PPP3CC: variants seen among roughly 807,000 people sequenced by gnomAD.
PPP3CC encodes serine/threonine-protein phosphatase 2B catalytic subunit gamma isoform.
In PPP3CC, 35 loss-of-function variants were observed where a neutral mutation model predicts 60.3. The ratio of observed to expected loss-of-function variants is 0.58; its 90% CI spans 0.44 to 0.77. The LOEUF is 0.77. Ranked by LOEUF, PPP3CC falls within the 30% of genes least tolerant of loss-of-function variation. PPP3CC has a pLI of 0.00. For missense variants in PPP3CC, 570 were observed against 628.9 expected, an observed-to-expected ratio of 0.91 and a Z score of 1.00; for synonymous variants, 206 against 224.3, an observed-to-expected ratio of 0.92 and a Z score of 0.73.
chr8:22,513,844 T>C (rs1839161905), intron 6 of PPP3CC, among the ~76,000 whole-genome samples: 1 of 152,238 alleles, frequency 6.6e-6, no homozygotes, highest in African/African-American at 2.4e-5. Flanking sequence ...TAGTATAGAC[T>C]AAGATATAAA....
At chr8:22,487,783 G>A (rs372803235) in intron 3 of PPP3CC, among the ~76,000 whole-genome samples, 15 of 152,318 alleles carry the variant, frequency 9.8e-5, no homozygotes, top group African/African-American at 2.4e-4. Flanking sequence ...CTGCCAAAGA[G>A]AAAAATGTTA....
At chr8:22,496,216 C>T (rs1467347226) in intron 3 of PPP3CC, among the ~76,000 whole-genome samples, 2 of 151,698 alleles carry the variant, frequency 1.3e-5, no homozygotes, top group African/African-American at 4.8e-5. Flanking sequence ...TATACTATAT[C>T]TGTAGTATAA....
At chr8:22,497,006 A>AT (rs1343086755) in intron 3 of PPP3CC, among the ~76,000 whole-genome samples, 1 of 150,772 alleles carries the variant, frequency 6.6e-6, no homozygotes, top group Non-Finnish European at 1.5e-5. Context: ...TGTTCTGTTG[A>AT]TTTTTTCTGT....
In PPP3CC at chr8:22,441,203, C is replaced by T. The variant is rs1836654486; in HGVS notation, c.-207C>T. ...CGCTGGCGCCTCCCAAGAGAGCGGC[C>T]GGTGGGCCCTCGTCCTGTCAGTGGC... On this transcript the variant is annotated 5_prime_UTR_variant, in exon 1 of 14. Transcript: ENST00000240139. The T allele has an allele frequency of 2.3e-6, 1 of 435,386 alleles. No homozygotes were observed. Among genetic ancestry groups the T allele is most frequent in the Non-Finnish European group, 4.0e-6 (1 of 248,814 alleles). 27.0% of individuals were successfully genotyped at this position (435,386 alleles called of 1,614,324 possible).
At chr8:22,511,318 C>T (rs1839080499) in intron 5 of PPP3CC, 87 bp downstream of exon 5, 7 of 1,385,790 alleles carry the variant, frequency 5.1e-6, no homozygotes, top group African/African-American at 1.4e-5. Context: ...GAGACAGAGT[C>T]TCTCTCTTTC....
At position 22,532,478 on chromosome 8, in the gene PPP3CC, T is replaced by C. The variant is rs576484281; in HGVS notation, c.1223+172T>C. On this transcript the variant is annotated intron_variant, in intron 11 of 13. Transcript: ENST00000240139. ...GCGACTAAAAATGTTCCAGCAAACA[T>C]TGATTTGTTAGTAGCTTAGATGTAG... Among the ~76,000 whole-genome samples, 9 of 152,302 alleles carry C rather than the reference T, an allele frequency of 5.9e-5. No homozygotes were observed. In the East Asian group the frequency reaches 1.2e-3, roughly 20 times the overall value.
intron 1 of PPP3CC, among the ~76,000 whole-genome samples, chr8:22,446,395 A>T (rs1314760238): frequency 6.6e-6 from 1 of 152,098 alleles, no homozygotes; most frequent in East Asian, 1.9e-4. Context: ...TAAAGTGAAA[A>T]AAACAAGGGA....
At chr8:22,486,846 C>T (rs990012245) in intron 3 of PPP3CC, among the ~76,000 whole-genome samples, 3 of 151,708 alleles carry the variant, frequency 2.0e-5, no homozygotes, top group Middle Eastern at 6.8e-3. Context: ...CCTCCTGCCT[C>T]ACCCTCCCGA....
At chr8:22,477,958 C>A (rs753601904) in intron 3 of PPP3CC, among the ~76,000 whole-genome samples, 2 of 152,150 alleles carry the variant, frequency 1.3e-5, no homozygotes, top group Non-Finnish European at 2.9e-5. Flanking sequence ...TCAAATGATT[C>A]TTCTGCCTCA....
chr8:22,483,772 A>G (rs1838141427), intron 3 of PPP3CC, among the ~76,000 whole-genome samples: 1 of 152,152 alleles, frequency 6.6e-6, no homozygotes, highest in Non-Finnish European at 1.5e-5. Flanking sequence ...TTTGCCACAT[A>G]AGATTCTTTG....
intron 1 of PPP3CC, among the ~76,000 whole-genome samples, chr8:22,470,059 TACACAC>T (rs55658283): frequency 1.0e-4 from 15 of 146,072 alleles, no homozygotes; most frequent in South Asian, 4.4e-4. Context: ...TATATATATA[TACACAC>T]ACACACACAC....
At chr8:22,444,683 T>C (rs1563660792) in intron 1 of PPP3CC, among the ~76,000 whole-genome samples, 1 of 152,210 alleles carries the variant, frequency 6.6e-6, no homozygotes, top group Non-Finnish European at 1.5e-5. Flanking sequence ...GTTTATTGAG[T>C]GCCATCTGCA....
chr8:22,460,175 C>T (rs1300452207), intron 1 of PPP3CC, among the ~76,000 whole-genome samples: 1 of 151,896 alleles, frequency 6.6e-6, no homozygotes, highest in Non-Finnish European at 1.5e-5. Flanking sequence ...GTTTTGTGCT[C>T]TTTTAAAAAA....
intron 10 of PPP3CC, among the ~76,000 whole-genome samples, chr8:22,530,489 C>A (rs953215583): frequency 6.7e-6 from 1 of 150,070 alleles, no homozygotes; most frequent in South Asian, 2.1e-4. Context: ...ATTTCCTATT[C>A]TTTCCCACCA....
intron 10 of PPP3CC, among the ~76,000 whole-genome samples, chr8:22,530,829 C>CAAACAAAAAAAAAAAAAAAAAAA (rs1839691242): frequency 1.0e-4 from 6 of 58,048 alleles, no homozygotes; most frequent in African/African-American, 3.1e-4. Context: ...AGACTCATCT[C>CAAACAAAAAAAAAAAAAAAAAAA]AAAAAAAAAA....
At chr8:22,460,457 A>G (rs2132445747) in intron 1 of PPP3CC, among the ~76,000 whole-genome samples, 1 of 151,970 alleles carries the variant, frequency 6.6e-6, no homozygotes, top group South Asian at 2.1e-4. Context: ...CCCCTGTAGC[A>G]TTGAGATTAC....
intron 1 of PPP3CC, among the ~76,000 whole-genome samples, chr8:22,451,380 CCCT>C (rs1349693839): frequency 3.9e-5 from 6 of 152,150 alleles, no homozygotes; most frequent in South Asian, 2.1e-4. Context: ...AGGTGATCTG[CCCT>C]CCTCGGCCTC....
rs1319360945 is a variant in PPP3CC, at chr8:22,510,860, A to G, written c.485-226A>G. ...AGTCACCTTATCACATTTCCAAGCA[A>G]CAGAGCTGGAAAGTTAATCCAAGGT... On this transcript the variant is annotated intron_variant, in intron 4 of 13. Coordinates refer to ENST00000240139, the MANE Select transcript of PPP3CC (RefSeq NM_005605.5). 2.7e-5 allele frequency: 13 copies of G among 479,746 alleles called. No individual in the cohort carries two copies. In the South Asian group the frequency reaches 3.6e-4, roughly 13 times the overall value. 29.7% of individuals were successfully genotyped at this position (479,746 alleles called of 1,614,324 possible). A position where few individuals can be genotyped will look rare whatever the true frequency, so the allele number is the denominator to read the frequency against.
intron 3 of PPP3CC, chr8:22,493,150 G>C (rs1838458599): frequency 6.9e-7 from 1 of 1,444,778 alleles, no homozygotes; most frequent in Non-Finnish European, 9.6e-7. Context: ...ACTTGAAGAA[G>C]TTATTGGGAG....
Sources: gnomAD v4.1 joint callset for allele counts (sites outside exome capture counted in the v4.1 genomes callset) on GRCh38, gnomAD v4.1.1 for gene constraint, MANE v1.5 for transcripts, NCBI Gene and HGNC (gene_info 2026-07-23, HGNC 2026-07-21) for gene names.